The following GREM2 variants were observed in gnomAD, a reference collection of about 807,000 sequenced individuals.
The protein encoded by GREM2 is gremlin-2.
Under a neutral mutation model 14.2 loss-of-function variants are expected in GREM2, and 11 were observed. The observed-to-expected ratio is 0.78, with a 90% CI of 0.49 to 1.28. The LOEUF (loss-of-function observed/expected upper bound fraction) is 1.28. Ranked by LOEUF, GREM2 falls within the 50% of genes most tolerant of loss-of-function variation. The pLI is 0.00. For missense variants in GREM2, 210 were observed against 218.5 expected, an observed-to-expected ratio of 0.96 and a Z score of 0.24; for synonymous variants, 98 against 97.6, an observed-to-expected ratio of 1.00 and a Z score of -0.02.
At chr1:240,535,438 G>T (rs191571028) in intron 1 of GREM2, among the ~76,000 whole-genome samples, 198 of 152,190 alleles carry the variant, frequency 1.3e-3, no homozygotes, top group Non-Finnish European at 2.4e-3. Context: ...AGGAGAGATT[G>T]TGAAAAAAAA....
chr1:240,520,082 AAAAATAAAAT>A (rs200273633), intron 1 of GREM2, among the ~76,000 whole-genome samples: 66 of 144,334 alleles, frequency 4.6e-4, no homozygotes, highest in African/African-American at 1.0e-3. Flanking sequence ...CTCCATCCCA[AAAAATAAAAT>A]AAAATAAAAT....
chr1:240,552,745 T>C (rs1678878541), intron 1 of GREM2, among the ~76,000 whole-genome samples: 1 of 152,220 alleles, frequency 6.6e-6, no homozygotes, highest in Non-Finnish European at 1.5e-5. Flanking sequence ...AGAATGATAA[T>C]GTCCTTCTAA....
chr1:240,493,326 C>G lies in GREM2; in HGVS notation c.150G>C (p.Lys50Asn), dbSNP rs1350796390. The change falls in exon 2 of 2, where the codon AAG becomes AAC. Residue 50 changes from lysine (K) to asparagine (N), a missense_variant. By Grantham distance (94) the Lys-to-Asn change is moderately conservative (BLOSUM62 0). Coordinates refer to ENST00000318160, the MANE Select transcript of GREM2 (RefSeq NM_022469.4). ...NNSERWQHQI[K>N]EVLASSQEAL... Reference sequence around the variant, plus strand: ...CCTCCTGGCTGGAGGCCAGCACCTCCTTGATCTGGTGCTGCCATCTCTCCG... The same window carrying G: ...CCTCCTGGCTGGAGGCCAGCACCTCGTTGATCTGGTGCTGCCATCTCTCCG... 6.2e-7 allele frequency: 1 copy of G among 1,614,092 alleles called. No homozygotes were observed. The highest frequency in any genetic ancestry group is 8.5e-7 in the Non-Finnish European group (1 of 1,180,028).
chr1:240,507,011 T>C (rs1387874995), intron 1 of GREM2, among the ~76,000 whole-genome samples: 1 of 152,174 alleles, frequency 6.6e-6, no homozygotes, highest in Non-Finnish European at 1.5e-5. Context: ...AACTGGATGA[T>C]GGGGCTGGAG....
At chr1:240,500,920 G>A (rs2103277250) in intron 1 of GREM2, among the ~76,000 whole-genome samples, 1 of 151,930 alleles carries the variant, frequency 6.6e-6, no homozygotes, top group African/African-American at 2.4e-5. Flanking sequence ...GCTTGACTAA[G>A]TTGTGCCGAG....
intron 1 of GREM2, among the ~76,000 whole-genome samples, chr1:240,519,200 C>T (rs187801840): frequency 9.9e-5 from 15 of 152,184 alleles, no homozygotes; most frequent in South Asian, 6.2e-4. Context: ...ACCATGTGTC[C>T]GCACAACAAA....
intron 1 of GREM2, among the ~76,000 whole-genome samples, chr1:240,579,749 G>A (rs1469274086): frequency 2.0e-5 from 3 of 152,208 alleles, no homozygotes; most frequent in Non-Finnish European, 4.4e-5. Flanking sequence ...GCTTGAAGGC[G>A]TAGCATTTGG....
At chr1:240,538,676 C>A (rs1230568661) in intron 1 of GREM2, among the ~76,000 whole-genome samples, 1 of 152,116 alleles carries the variant, frequency 6.6e-6, no homozygotes, top group Non-Finnish European at 1.5e-5. Flanking sequence ...CAAGATCGTG[C>A]CACTCACTAC....
intron 1 of GREM2, among the ~76,000 whole-genome samples, chr1:240,547,532 T>TAGACAGATAGATAGATAG (rs1553275859): frequency 6.6e-4 from 81 of 121,848 alleles, no homozygotes; most frequent in African/African-American, 2.3e-3. Context: ...TATATATATA[T>TAGACAGATAGATAGATAG]ATAGATAGAT....
At chr1:240,555,064 G>A (rs992864276) in intron 1 of GREM2, among the ~76,000 whole-genome samples, 2 of 152,072 alleles carry the variant, frequency 1.3e-5, no homozygotes, top group Admixed American at 6.6e-5. Context: ...AGAATCACTT[G>A]AACCCGGGAG....
chr1:240,526,198 T>C (rs1184750382), intron 1 of GREM2, among the ~76,000 whole-genome samples: 3 of 152,126 alleles, frequency 2.0e-5, no homozygotes, highest in African/African-American at 7.2e-5. Context: ...TGGGCATCTT[T>C]GGAGGGGGGC....
chr1:240,548,281 A>G (rs1348096102), intron 1 of GREM2, among the ~76,000 whole-genome samples: 1 of 151,832 alleles, frequency 6.6e-6, no homozygotes, highest in Non-Finnish European at 1.5e-5. Flanking sequence ...TCTCAGAAAA[A>G]TAATATAATA....
At chr1:240,581,110 C>T (rs1227602797) in intron 1 of GREM2, among the ~76,000 whole-genome samples, 2 of 151,768 alleles carry the variant, frequency 1.3e-5, no homozygotes, top group Middle Eastern at 3.2e-3. Context: ...ATTAGCCAGG[C>T]GTAGTGGTGC....
At position 240,493,040 on chromosome 1, in the gene GREM2, G is replaced by T. The variant is rs372378723; in HGVS notation, c.436C>A (p.Leu146Ile). ...TGCTTCACCTTCTGGATTTTCTTGAGTCGGAAGGGTGGGTCCAGGCCGGGG... is the reference window on the plus strand; with the variant it reads ...TGCTTCACCTTCTGGATTTTCTTGATTCGGAAGGGTGGGTCCAGGCCGGGG... ...ECPGLDPPFRLKKIQKVKQCR... is the reference protein window; with the variant it reads ...ECPGLDPPFRIKKIQKVKQCR... Residue 146 changes from leucine (L) to isoleucine (I), a missense_variant, in exon 2 of 2, where the codon CTC (leucine) becomes ATC (isoleucine). Leu to Ile is a conservative substitution (Grantham distance 5). Coordinates refer to ENST00000318160, the MANE Select transcript of GREM2 (RefSeq NM_022469.4). The T allele has an allele frequency of 2.5e-6, 4 of 1,603,838 alleles. No homozygotes were observed. The East Asian group carries it at 9.0e-5, about 36-fold the overall frequency.
chr1:240,611,218 C>G (rs951209730), intron 1 of GREM2, among the ~76,000 whole-genome samples: 2 of 151,992 alleles, frequency 1.3e-5, no homozygotes. Flanking sequence ...GATCCTGGAA[C>G]TGAACGTGCC....
At chr1:240,580,283 T>C (rs775740546) in intron 1 of GREM2, among the ~76,000 whole-genome samples, 54 of 152,286 alleles carry the variant, frequency 3.5e-4, no homozygotes, top group Non-Finnish European at 5.6e-4. Context: ...CCTGAAGTAT[T>C]TCACAGTAGT....
intron 1 of GREM2, among the ~76,000 whole-genome samples, chr1:240,548,529 C>T (rs1305032578): frequency 6.6e-6 from 1 of 152,132 alleles, no homozygotes; most frequent in Non-Finnish European, 1.5e-5. Context: ...GTTGATGGAA[C>T]AATGATGTTT....
At chr1:240,610,102 C>G (rs1469652560) in intron 1 of GREM2, among the ~76,000 whole-genome samples, 2 of 151,994 alleles carry the variant, frequency 1.3e-5, no homozygotes, top group Non-Finnish European at 2.9e-5. Context: ...ACCAACACAC[C>G]CAACATTGCT....
At chr1:240,576,602 C>T (rs956581286) in intron 1 of GREM2, among the ~76,000 whole-genome samples, 2 of 152,056 alleles carry the variant, frequency 1.3e-5, no homozygotes, top group South Asian at 2.1e-4. Context: ...CTAGTTAGCA[C>T]TGTAGTGGGA....
Sources: allele counts gnomAD v4.1 joint callset (sites outside exome capture counted in the v4.1 genomes callset), GRCh38; gene constraint gnomAD v4.1.1; transcripts MANE v1.5; gene names NCBI Gene and HGNC (gene_info 2026-07-23, HGNC 2026-07-21).